Variants in HMGCLL1 observed in about 807,000 individuals in gnomAD.
HMGCLL1 encodes 3-hydroxy-3-methylglutaryl-CoA lyase like 1.
In HMGCLL1, 36 loss-of-function variants were observed where a neutral mutation model predicts 39.1. The observed-to-expected ratio is 0.92, with a 90% CI of 0.71 to 1.22. The LOEUF is 1.22. Ranked by LOEUF, HMGCLL1 falls within the 50% of genes most tolerant of loss-of-function variation. The pLI is 0.00. For synonymous variants in HMGCLL1, 149 were observed against 144.0 expected (o/e 1.03, Z -0.25); for missense variants, 451 against 416.5 (o/e 1.08, Z -0.72).
intron 3 of HMGCLL1, among the ~76,000 whole-genome samples, chr6:55,530,437 T>C (rs1344786791): frequency 2.0e-5 from 3 of 152,098 alleles, no homozygotes; most frequent in Admixed American, 1.3e-4. Context: ...TTATAAAATA[T>C]TCTACTATTC....
chr6:55,510,435 T>C (rs1474752148), intron 5 of HMGCLL1, among the ~76,000 whole-genome samples: 1 of 151,316 alleles, frequency 6.6e-6, no homozygotes, highest in Admixed American at 6.6e-5. Context: ...ATGTGGCACA[T>C]ATACACCATG....
chr6:55,601,399 A>C, the HMGCLL1 span, among the ~76,000 whole-genome samples: 1 of 152,144 alleles, frequency 6.6e-6, no homozygotes, highest in African/African-American at 2.4e-5. Flanking sequence ...GATAGCTTTG[A>C]CTGGTTCGCA....
intron 7 of HMGCLL1, among the ~76,000 whole-genome samples, chr6:55,473,140 A>G (rs1205651724): frequency 6.6e-6 from 1 of 151,356 alleles, no homozygotes; most frequent in Non-Finnish European, 1.5e-5. Flanking sequence ...AGTATATTAA[A>G]TATTTATAAT....
chr6:55,521,568 T>C (rs1194044121), intron 3 of HMGCLL1, among the ~76,000 whole-genome samples: 5 of 152,106 alleles, frequency 3.3e-5, no homozygotes, highest in Non-Finnish European at 7.4e-5. Context: ...ATATCTGTTA[T>C]GGTGATCTGT....
At chr6:55,458,501 C>T (rs575022969) in intron 7 of HMGCLL1, among the ~76,000 whole-genome samples, 6 of 152,212 alleles carry the variant, frequency 3.9e-5, no homozygotes, top group South Asian at 2.1e-4. Context: ...AGGTTAACTA[C>T]GAACTGGTCT....
the HMGCLL1 span, among the ~76,000 whole-genome samples, chr6:55,677,329 C>T: frequency 6.6e-6 from 1 of 152,114 alleles, no homozygotes; most frequent in Non-Finnish European, 1.5e-5. Flanking sequence ...TTCGAGGCTG[C>T]AGTGAGCCTT....
At chr6:55,499,885 G>C (rs1486811396) in intron 5 of HMGCLL1, among the ~76,000 whole-genome samples, 1 of 151,890 alleles carries the variant, frequency 6.6e-6, no homozygotes, top group Non-Finnish European at 1.5e-5. Flanking sequence ...TTAGAATTAA[G>C]ATATTCTATA....
At chr6:55,638,476 C>A in the HMGCLL1 span, among the ~76,000 whole-genome samples, 3 of 151,270 alleles carry the variant, frequency 2.0e-5, no homozygotes, top group Non-Finnish European at 4.4e-5. Flanking sequence ...GTTTAATATG[C>A]AGCTTCCAAA....
upstream of HMGCLL1, among the ~76,000 whole-genome samples, chr6:55,583,124 T>C (rs1189957512): frequency 6.6e-6 from 1 of 152,202 alleles, no homozygotes; most frequent in Non-Finnish European, 1.5e-5. Context: ...CAAATACATA[T>C]ACAAACCAAA....
chr6:55,518,267 G>C (rs937891575), intron 3 of HMGCLL1, among the ~76,000 whole-genome samples: 1 of 152,096 alleles, frequency 6.6e-6, no homozygotes, highest in Admixed American at 6.6e-5. Context: ...AAATATACTG[G>C]TTGTAAATGA....
At chr6:55,491,238 A>G (rs1429171596) in intron 7 of HMGCLL1, among the ~76,000 whole-genome samples, 1 of 152,208 alleles carries the variant, frequency 6.6e-6, no homozygotes, top group East Asian at 1.9e-4. Context: ...AAGATTTGCT[A>G]TTTGGTAGCT....
At chr6:55,585,982 T>C in the HMGCLL1 span, among the ~76,000 whole-genome samples, 1 of 152,118 alleles carries the variant, frequency 6.6e-6, no homozygotes, top group Non-Finnish European at 1.5e-5. Context: ...AGCTGTAGGA[T>C]CTATATACAA....
chr6:55,606,569 A>G, the HMGCLL1 span, among the ~76,000 whole-genome samples: 1 of 152,194 alleles, frequency 6.6e-6, no homozygotes, highest in African/African-American at 2.4e-5. Flanking sequence ...TTTTTTTAAA[A>G]ATTTATAAAA....
chr6:55,534,061 C>T (rs1461819161), intron 3 of HMGCLL1, among the ~76,000 whole-genome samples: 1 of 152,004 alleles, frequency 6.6e-6, no homozygotes, highest in Non-Finnish European at 1.5e-5. Flanking sequence ...TTCAACACCT[C>T]TTAATCTCAT....
chr6:55,478,950 A>T (rs1765592429), intron 7 of HMGCLL1, among the ~76,000 whole-genome samples: 2 of 151,592 alleles, frequency 1.3e-5, no homozygotes, highest in South Asian at 4.1e-4. Context: ...ACCTAAATTC[A>T]AAAAGGGAAT....
At chr6:55,436,616 A>C (rs1450697671) in intron 8 of HMGCLL1, among the ~76,000 whole-genome samples, 1 of 152,036 alleles carries the variant, frequency 6.6e-6, no homozygotes, top group East Asian at 1.9e-4. Context: ...GACTAGAAAC[A>C]ATGTGGGCTT....
intron 3 of HMGCLL1, among the ~76,000 whole-genome samples, chr6:55,529,606 T>C (rs1053799742): frequency 6.6e-6 from 1 of 152,142 alleles, no homozygotes; most frequent in African/African-American, 2.4e-5. Context: ...GACAGAACTT[T>C]AAAAAAACTG....
the HMGCLL1 span, among the ~76,000 whole-genome samples, chr6:55,597,771 G>T: frequency 6.6e-6 from 1 of 152,082 alleles, no homozygotes; most frequent in Non-Finnish European, 1.5e-5. Flanking sequence ...ATGGAAAATG[G>T]AAATATTATT....
chr6:55,579,537 C>G (rs1480741944), upstream of HMGCLL1, among the ~76,000 whole-genome samples: 2 of 151,552 alleles, frequency 1.3e-5, no homozygotes, highest in East Asian at 3.9e-4. Flanking sequence ...ATTTGCCTAC[C>G]GTTGAGCTCA....
Sources: allele counts gnomAD v4.1 joint callset (sites outside exome capture counted in the v4.1 genomes callset), GRCh38; gene constraint gnomAD v4.1.1; transcripts MANE v1.5; gene names NCBI Gene and HGNC (gene_info 2026-07-23, HGNC 2026-07-21).